Variants in XRN1 observed in about 807,000 individuals in gnomAD.
The protein encoded by XRN1 is 5'-3' exoribonuclease 1.
A neutral mutation model predicts 222.3 loss-of-function variants in XRN1; 67 were observed. The ratio of observed to expected loss-of-function variants is 0.30; its 90% CI spans 0.25 to 0.37. XRN1 has a LOEUF of 0.37. Among genes scored for constraint, XRN1 ranks in the 10% least tolerant of loss-of-function variants. The probability of loss-of-function intolerance (pLI) is 1.00; values close to 1 mark genes in which losing one functional copy is unlikely to be tolerated. For synonymous variants in XRN1, 643 were observed against 652.4 expected, an observed-to-expected ratio of 0.99 and a Z score of 0.22; for missense variants, 1,707 against 2,000.2, an observed-to-expected ratio of 0.85 and a Z score of 2.80.
intron 27 of XRN1, 39 bp from the exon 28 acceptor site, chr3:142,365,405 T>A (rs1423764346): frequency 1.4e-6 from 2 of 1,437,648 alleles, no homozygotes; most frequent in South Asian, 1.5e-5. Flanking sequence ...TTTTAAAATA[T>A]AAAATTATAA....
At chr3:142,353,595 T>C (rs1202419623) in intron 32 of XRN1, among the ~76,000 whole-genome samples, 1 of 152,128 alleles carries the variant, frequency 6.6e-6, no homozygotes, top group African/African-American at 2.4e-5. Context: ...GGACTCCCTA[T>C]ACATGATGCT....
intron 20 of XRN1, among the ~76,000 whole-genome samples, chr3:142,390,415 T>C (rs1243927800): frequency 6.6e-6 from 1 of 152,230 alleles, no homozygotes; most frequent in East Asian, 1.9e-4. Context: ...TACATTAGCA[T>C]TTGTTGCTTC....
At chr3:142,352,423 AC>A (rs2066334904) in intron 32 of XRN1, among the ~76,000 whole-genome samples, 1 of 152,188 alleles carries the variant, frequency 6.6e-6, no homozygotes, top group Non-Finnish European at 1.5e-5. Flanking sequence ...GAGGAGAACT[AC>A]GTATCTTGTC....
chr3:142,437,712 A>C (rs2069983170), intron 1 of XRN1, among the ~76,000 whole-genome samples: 1 of 152,228 alleles, frequency 6.6e-6, no homozygotes, highest in Non-Finnish European at 1.5e-5. Flanking sequence ...TCAAGTTAAA[A>C]AGCTTCTGCA....
chr3:142,341,641 T>A (rs1214302344), intron 33 of XRN1, among the ~76,000 whole-genome samples: 3 of 151,856 alleles, frequency 2.0e-5, no homozygotes, highest in Non-Finnish European at 4.4e-5. Context: ...GCTGAATGGA[T>A]TAAAAAAAGG....
chr3:142,408,773 T>C (rs903257588), intron 15 of XRN1, among the ~76,000 whole-genome samples: 6 of 152,240 alleles, frequency 3.9e-5, no homozygotes, highest in Non-Finnish European at 7.3e-5. Flanking sequence ...AACTGCCAGA[T>C]AGATATGAAA....
intron 16 of XRN1, 83 bp downstream of exon 16, chr3:142,404,824 T>C (rs1439441385): frequency 1.5e-6 from 2 of 1,341,064 alleles, no homozygotes; most frequent in Middle Eastern, 1.8e-4. Context: ...CAAACAGATA[T>C]TCAAAGCTCC....
chr3:142,374,635 G>A (rs1364191823), intron 25 of XRN1, among the ~76,000 whole-genome samples: 1 of 152,180 alleles, frequency 6.6e-6, no homozygotes, highest in East Asian at 1.9e-4. Flanking sequence ...AAAGAAAGCT[G>A]AAGCTCAGGA....
In XRN1 at chr3:142,318,786, TTACCAACTGTTG is replaced by T. The variant is rs2065272211; in HGVS notation, c.4510_4518+3del. 6.2e-7 allele frequency: 1 copy of T among 1,613,266 alleles called. No individual in the cohort carries two copies. ...TTAATAGAGAAGTCATGGACAGTTC[TTACCAACTGTTG>T]TAAAGCAAAAAGTGCAGCTTTCTCT... On this transcript the variant is annotated splice_donor_variant and splice_donor_region_variant and coding_sequence_variant and intron_variant, in exon 38 of 41. Coordinates refer to ENST00000392981, the MANE Select transcript of XRN1 (RefSeq NM_001282857.2). LOFTEE classifies it high-confidence loss of function.
intron 11 of XRN1, 90 bp downstream of exon 11, chr3:142,418,725 G>A (rs2068885266): frequency 6.7e-7 from 1 of 1,502,118 alleles, no homozygotes. Flanking sequence ...ACAGAAATCT[G>A]TTCCACCCAA....
intron 33 of XRN1, among the ~76,000 whole-genome samples, chr3:142,337,225 C>G (rs2065876092): frequency 6.6e-6 from 1 of 152,160 alleles, no homozygotes; most frequent in African/African-American, 2.4e-5. Context: ...CTCATCTCCT[C>G]AGAAAGGCCT....
intron 27 of XRN1, among the ~76,000 whole-genome samples, chr3:142,368,726 A>T (rs2066894698): frequency 6.6e-6 from 1 of 152,246 alleles, no homozygotes; most frequent in Non-Finnish European, 1.5e-5. Flanking sequence ...ATGACCTTTC[A>T]AAAATTAAAC....
At chr3:142,365,226 T>C (rs774839067) in intron 28 of XRN1, 47 bp from the exon 29 acceptor site, 3 of 1,579,684 alleles carry the variant, frequency 1.9e-6, no homozygotes, top group Non-Finnish European at 2.6e-6. Context: ...AAAATTTTCA[T>C]ACTAATATAC....
chr3:142,380,210 CTCTT>C, intron 22 of XRN1, 30 bp from the exon 23 acceptor site: 1 of 1,542,942 alleles, frequency 6.5e-7, no homozygotes, highest in South Asian at 1.1e-5. Context: ...ACAGTATAGT[CTCTT>C]TCAGTACATT....
At chr3:142,419,410 C>T (rs1010948139) in intron 10 of XRN1, among the ~76,000 whole-genome samples, 4 of 152,072 alleles carry the variant, frequency 2.6e-5, no homozygotes, top group Non-Finnish European at 5.9e-5. Context: ...AGCTAAGCAG[C>T]GAGAAGGACT....
rs192623611 is a variant in XRN1 at position 142,357,710 on chromosome 3, G to A, written c.3465-591C>T. Reference sequence around the variant, plus strand: ...CCCAAAGTGTTGGGATTACAGGCATGAGCCACCATGCCTGGCCTCGAACGT... The same window carrying A: ...CCCAAAGTGTTGGGATTACAGGCATAAGCCACCATGCCTGGCCTCGAACGT... On this transcript the variant is annotated intron_variant, in intron 30 of 40. Transcript: ENST00000392981. 3.6e-3 allele frequency among the ~76,000 whole-genome samples: 552 copies of A among 151,706 alleles called. 1 individual carries two copies. Among genetic ancestry groups the A allele is most frequent in the Non-Finnish European group, 6.1e-3 (412 of 67,906 alleles).
At chr3:142,319,026 G>C in intron 37 of XRN1, 123 bp from the exon 38 acceptor site, 1 of 825,980 alleles carries the variant, frequency 1.2e-6, no homozygotes, top group Non-Finnish European at 1.8e-6. Context: ...TTCAGTTCAA[G>C]TTTTCAATTG....
At chr3:142,422,495 G>C (rs2069076579) in intron 8 of XRN1, 87 bp downstream of exon 8, 1 of 1,359,826 alleles carries the variant, frequency 7.4e-7, no homozygotes, top group African/African-American at 1.5e-5. Context: ...TAGCGTGCAT[G>C]CAATAATCTA....
chr3:142,363,384 G>C lies in XRN1; in HGVS notation c.3394+1663C>G, dbSNP rs189756230. Among the ~76,000 whole-genome samples the C allele has an allele frequency of 1.0e-3, 153 of 152,104 alleles. 1 individual carries two copies. Among genetic ancestry groups the C allele is most frequent in the African/African-American group, 3.5e-3 (144 of 41,474 alleles). ...ACTCACCACTATACTAACGGGGACA[G>C]CACCATTTGTTAAAGACATTATCCC... On this transcript the variant is annotated intron_variant, in intron 29 of 40. Coordinates refer to ENST00000392981, the MANE Select transcript of XRN1 (RefSeq NM_001282857.2).
Sources: allele counts gnomAD v4.1 joint callset (sites outside exome capture counted in the v4.1 genomes callset), GRCh38; gene constraint gnomAD v4.1.1; transcripts MANE v1.5; gene names NCBI Gene and HGNC (gene_info 2026-07-23, HGNC 2026-07-21).